The following PAH variants were observed in gnomAD, a reference collection of about 807,000 sequenced individuals.
The protein encoded by PAH is phenylalanine-4-hydroxylase.
In PAH, 64 loss-of-function variants were observed where a neutral mutation model predicts 62.0. That is an observed-to-expected ratio of 1.03 (90% CI 0.84 to 1.27). The LOEUF is 1.27. Among genes scored for constraint, PAH ranks in the 50% most tolerant of loss-of-function variants. PAH has a pLI of 0.00. For synonymous variants in PAH, 195 were observed against 196.2 expected, an observed-to-expected ratio of 0.99 and a Z score of 0.05; for missense variants, 579 against 542.8, an observed-to-expected ratio of 1.07 and a Z score of -0.66.
At chr12:102,872,939 G>C (rs1876410143) in intron 4 of PAH, among the ~76,000 whole-genome samples, 1 of 152,216 alleles carries the variant, frequency 6.6e-6, no homozygotes, top group South Asian at 2.1e-4. Context: ...TTGTACTCCA[G>C]CCTGGGCAGC....
At chr12:102,893,143 T>G (rs969948305) in intron 3 of PAH, among the ~76,000 whole-genome samples, 6 of 152,212 alleles carry the variant, frequency 3.9e-5, no homozygotes, top group African/African-American at 1.4e-4. Context: ...CTCATGCCTG[T>G]AATCCCAACA....
intron 4 of PAH, among the ~76,000 whole-genome samples, chr12:102,876,483 G>A (rs530870481): frequency 9.2e-5 from 14 of 152,334 alleles, no homozygotes; most frequent in Non-Finnish European, 1.8e-4. Context: ...GCGCCTTTGC[G>A]AACATTCTTT....
chr12:102,853,214 T>G, intron 6 of PAH: 1 of 492,506 alleles, frequency 2.0e-6, no homozygotes, highest in South Asian at 2.1e-5. Flanking sequence ...TAAAAAGAGC[T>G]AATGAATACA....
At chr12:102,854,244 A>G in intron 6 of PAH, among the ~76,000 whole-genome samples, 1 of 152,170 alleles carries the variant, frequency 6.6e-6, no homozygotes, top group East Asian at 1.9e-4. Context: ...CTTCCTGCCA[A>G]GTAATTTCCC....
intron 5 of PAH, among the ~76,000 whole-genome samples, chr12:102,859,821 T>A (rs978787473): frequency 3.3e-5 from 5 of 152,186 alleles, no homozygotes; most frequent in Non-Finnish European, 7.3e-5. Flanking sequence ...ATGGGATGTA[T>A]CTCAAAATAA....
intron 3 of PAH, among the ~76,000 whole-genome samples, chr12:102,882,260 C>A (rs537051099): frequency 6.6e-6 from 1 of 152,278 alleles, no homozygotes; most frequent in Admixed American, 6.5e-5. Flanking sequence ...CAGGATCTGG[C>A]CCTAGTCCAG....
At chr12:102,890,509 G>A (rs1445225306) in intron 3 of PAH, among the ~76,000 whole-genome samples, 1 of 152,186 alleles carries the variant, frequency 6.6e-6, no homozygotes, top group African/African-American at 2.4e-5. Context: ...GTCAACATCA[G>A]CTCTCTCATT....
chr12:102,943,130 AAAG>A (rs770708990), intron 1 of PAH, among the ~76,000 whole-genome samples: 1 of 152,164 alleles, frequency 6.6e-6, no homozygotes, highest in Non-Finnish European at 1.5e-5. Flanking sequence ...AATAGAGAAA[AAAG>A]AAGACCCACA....
chr12:102,887,102 G>A (rs897679762), intron 3 of PAH, among the ~76,000 whole-genome samples: 18 of 151,934 alleles, frequency 1.2e-4, no homozygotes, highest in Non-Finnish European at 1.3e-4. Flanking sequence ...CAAAAATGTC[G>A]AAGAGGATGA....
chr12:102,877,007 GC>G (rs988228549), intron 4 of PAH, among the ~76,000 whole-genome samples: 1 of 152,036 alleles, frequency 6.6e-6, no homozygotes, highest in African/African-American at 2.4e-5. Context: ...TCAGCCATAA[GC>G]CCTCTCCGTT....
intron 8 of PAH, chr12:102,847,219 C>T (rs974774703): frequency 4.0e-6 from 2 of 499,996 alleles, no homozygotes; most frequent in South Asian, 2.1e-5. Context: ...GTGACTTGCT[C>T]ATGATCACAG....
intron 11 of PAH, among the ~76,000 whole-genome samples, chr12:102,842,981 C>T (rs1874656661): frequency 6.6e-6 from 1 of 152,140 alleles, no homozygotes; most frequent in Non-Finnish European, 1.5e-5. Flanking sequence ...GAACTGTGCA[C>T]TCAGAGGGCC....
chr12:102,954,572 G>A (rs1348269409), upstream of PAH, among the ~76,000 whole-genome samples: 1 of 152,182 alleles, frequency 6.6e-6, no homozygotes, highest in Admixed American at 6.5e-5. Context: ...GGGTCACACA[G>A]CTCTCAGGTA....
At chr12:102,890,195 G>T (rs1877218235) in intron 3 of PAH, among the ~76,000 whole-genome samples, 1 of 152,168 alleles carries the variant, frequency 6.6e-6, no homozygotes, top group African/African-American at 2.4e-5. Context: ...GTGGAAAGTA[G>T]TTTAGCTTAA....
chr12:102,941,201 C>T (rs1226988806), intron 1 of PAH, among the ~76,000 whole-genome samples: 1 of 152,102 alleles, frequency 6.6e-6, no homozygotes, highest in Non-Finnish European at 1.5e-5. Flanking sequence ...AAAACCATTA[C>T]TGGCCACAAC....
At chr12:102,878,549 G>A (rs544400249) in intron 3 of PAH, among the ~76,000 whole-genome samples, 28 of 152,102 alleles carry the variant, frequency 1.8e-4, no homozygotes, top group African/African-American at 6.5e-4. Flanking sequence ...AGAGACAAGG[G>A]CATTTTGGAC....
At position 102,838,994 on chromosome 12, in the gene PAH, T is replaced by C; in HGVS notation, c.*181A>G. On this transcript the variant is annotated 3_prime_UTR_variant, in exon 13 of 13. Transcript: ENST00000553106. Reference sequence around the variant, plus strand: ...AAAGATTTACCATTATGCTCTTGAGTATGTACTCATATCCTGTCATTTCAG... The same window carrying C: ...AAAGATTTACCATTATGCTCTTGAGCATGTACTCATATCCTGTCATTTCAG... 1 of 634,568 alleles carries C rather than the reference T, an allele frequency of 1.6e-6. No individual in the cohort carries two copies. The highest frequency in any genetic ancestry group is 2.5e-5 in the Admixed American group (1 of 39,802). The allele number at this position is 634,568 out of a possible 1,614,324, so 39.3% of individuals were successfully genotyped here. A position where few individuals can be genotyped will look rare whatever the true frequency, so the allele number is the denominator to read the frequency against.
At chr12:102,946,822 T>C (rs1879514496) in intron 1 of PAH, 1 of 152,326 alleles carries the variant, frequency 6.6e-6, no homozygotes, top group Admixed American at 6.5e-5. Context: ...GAATGATAGG[T>C]GAAGGCTTCT....
intron 5 of PAH, among the ~76,000 whole-genome samples, chr12:102,860,893 T>C (rs889040867): frequency 1.3e-5 from 2 of 152,000 alleles, no homozygotes; most frequent in African/African-American, 4.8e-5. Flanking sequence ...AGAAGAAAAC[T>C]TAGGTAATAC....
Sources: gnomAD v4.1 joint callset for allele counts (sites outside exome capture counted in the v4.1 genomes callset) on GRCh38, gnomAD v4.1.1 for gene constraint, MANE v1.5 for transcripts, NCBI Gene and HGNC (gene_info 2026-07-23, HGNC 2026-07-21) for gene names.